Variants in EYS observed in about 807,000 individuals in gnomAD.
EYS encodes protein eyes shut homolog.
In EYS, 250 loss-of-function variants were observed where a neutral mutation model predicts 282.1. The ratio of observed to expected loss-of-function variants is 0.89; its 90% CI spans 0.80 to 0.98. EYS has a LOEUF of 0.98. EYS is among the 50% of genes least tolerant of loss of function. The pLI, the probability that EYS is intolerant of heterozygous loss-of-function variation, is 0.00. For missense variants in EYS, 4,016 were observed against 3,709.0 expected (o/e 1.08, Z -2.15); for synonymous variants, 1,355 against 1,282.9 (o/e 1.06, Z -1.20).
At chr6:64,172,210 T>C (rs150980913) in intron 31 of EYS, among the ~76,000 whole-genome samples, 1 of 151,948 alleles carries the variant, frequency 6.6e-6, no homozygotes, top group African/African-American at 2.4e-5. Flanking sequence ...TTCTTTGTCA[T>C]CTTTTTTTTT....
chr6:65,578,145 A>G (rs963518254), intron 2 of EYS, among the ~76,000 whole-genome samples: 8 of 151,674 alleles, frequency 5.3e-5, no homozygotes, highest in Non-Finnish European at 1.0e-4. Context: ...TTGCAGCACT[A>G]GTCACAATAG....
intron 31 of EYS, among the ~76,000 whole-genome samples, chr6:64,143,771 C>G (rs375240216): frequency 6.6e-6 from 1 of 152,222 alleles, no homozygotes; most frequent in East Asian, 1.9e-4. Flanking sequence ...TGTTTTTGAC[C>G]CTGCCAATAA....
rs1029710164 is a variant in EYS, at chr6:65,345,886, A to G, written c.1460-1709T>C. Among the ~76,000 whole-genome samples, 5 of 151,792 alleles carry G rather than the reference A, an allele frequency of 3.3e-5. No individual in the cohort carries two copies. The Admixed American group carries it at 3.3e-4, about 10-fold the overall frequency. On this transcript the variant is annotated intron_variant, in intron 9 of 42. Transcript: ENST00000503581. Reference sequence around the variant, plus strand: ...AATGAGGGGATATAATTATGAAAAAAAAATTGGACTAGCAGAAATACTGAG... The same window carrying G: ...AATGAGGGGATATAATTATGAAAAAGAAATTGGACTAGCAGAAATACTGAG...
intron 35 of EYS, among the ~76,000 whole-genome samples, chr6:63,867,107 G>T (rs1443675366): frequency 6.6e-6 from 1 of 152,156 alleles, no homozygotes; most frequent in African/African-American, 2.4e-5. Flanking sequence ...GCAAAAGGCA[G>T]TGTTGACCCA....
intron 19 of EYS, among the ~76,000 whole-genome samples, chr6:64,884,331 A>G (rs967145195): frequency 1.3e-4 from 19 of 151,374 alleles, no homozygotes; most frequent in African/African-American, 2.4e-5. Flanking sequence ...TTTTTTTCTG[A>G]TGGAGCAAAG....
At chr6:65,443,365 T>C (rs1768487419) in intron 5 of EYS, among the ~76,000 whole-genome samples, 2 of 143,304 alleles carry the variant, frequency 1.4e-5, no homozygotes, top group South Asian at 2.2e-4. Flanking sequence ...TATGCATACA[T>C]GTATGTACAC....
intron 11 of EYS, among the ~76,000 whole-genome samples, chr6:65,317,777 TCTTCCTTCCTTC>T (rs911036026): frequency 8.7e-5 from 5 of 57,390 alleles, no homozygotes; most frequent in African/African-American, 2.6e-4. Flanking sequence ...CTACATTTTC[TCTTCCTTCCTTC>T]CTTCCTTCCT....
chr6:64,359,744 T>C (rs1309532330), intron 29 of EYS, among the ~76,000 whole-genome samples: 1 of 151,638 alleles, frequency 6.6e-6, no homozygotes, highest in African/African-American at 2.4e-5. Context: ...ATCTCTAGCT[T>C]CTTTCTCTTA....
chr6:65,376,262 T>C (rs2089004), intron 8 of EYS, among the ~76,000 whole-genome samples: 62,698 of 151,862 alleles, frequency 0.41, 13,937 homozygotes, highest in South Asian at 0.5. Context: ...CAGAATTTCA[T>C]ATCCAGCCAA....
At chr6:65,507,227 G>A (rs1766692605) in intron 2 of EYS, among the ~76,000 whole-genome samples, 3 of 151,990 alleles carry the variant, frequency 2.0e-5, no homozygotes, top group Admixed American at 2.0e-4. Context: ...TTTTTCTCTT[G>A]AAAGGTATAT....
intron 21 of EYS, 101 bp downstream of exon 21, chr6:64,821,537 TCATCAAC>T: frequency 1.7e-6 from 1 of 575,214 alleles, no homozygotes; most frequent in Non-Finnish European, 3.1e-6. Context: ...AACAGTTAAA[TCATCAAC>T]AACTGTGGAA....
chr6:65,515,690 G>A (rs1293382651), intron 2 of EYS, among the ~76,000 whole-genome samples: 3 of 148,800 alleles, frequency 2.0e-5, no homozygotes, highest in Non-Finnish European at 4.4e-5. Flanking sequence ...CTATCGCAAG[G>A]ACAAAAAACC....
At chr6:65,434,879 C>A (rs186621630) in intron 5 of EYS, among the ~76,000 whole-genome samples, 66 of 152,132 alleles carry the variant, frequency 4.3e-4, no homozygotes, top group African/African-American at 1.6e-3. Flanking sequence ...TTAAATATCT[C>A]TTTCTTTTCG....
intron 12 of EYS, among the ~76,000 whole-genome samples, chr6:65,121,277 C>T (rs1443797651): frequency 1.3e-5 from 2 of 152,076 alleles, no homozygotes; most frequent in Admixed American, 6.5e-5. Flanking sequence ...GAACAGTCTT[C>T]TCTGTTTAGA....
intron 26 of EYS, among the ~76,000 whole-genome samples, chr6:64,453,927 C>T (rs1375165491): frequency 6.6e-6 from 1 of 151,994 alleles, no homozygotes; most frequent in African/African-American, 2.4e-5. Flanking sequence ...TTAATGTGTG[C>T]AGCACACCAA....
intron 8 of EYS, among the ~76,000 whole-genome samples, chr6:65,365,843 G>A (rs1764896231): frequency 6.6e-6 from 1 of 151,780 alleles, no homozygotes; most frequent in South Asian, 2.1e-4. Context: ...CAGAATGTTG[G>A]CTGTCTAGTA....
intron 21 of EYS, among the ~76,000 whole-genome samples, chr6:64,821,324 G>C (rs116171561): frequency 0.012 from 1,805 of 152,142 alleles, 35 homozygotes; most frequent in African/African-American, 0.04. Flanking sequence ...GGACGAGGCA[G>C]ATGGTAAAAT....
chr6:64,125,175 T>TCTCGCGCGCGCG (rs1562213596), intron 31 of EYS, among the ~76,000 whole-genome samples: 2 of 150,406 alleles, frequency 1.3e-5, no homozygotes, highest in African/African-American at 5.0e-5. Flanking sequence ...TCTCTCTCTC[T>TCTCGCGCGCGCG]CGCTCTCTCT....
chr6:65,139,029 T>C (rs1458369842), intron 12 of EYS, among the ~76,000 whole-genome samples: 2 of 152,076 alleles, frequency 1.3e-5, no homozygotes, highest in African/African-American at 4.8e-5. Context: ...TTCTGGAGAT[T>C]TCTCAAAGAA....
Sources: allele counts gnomAD v4.1 joint callset (sites outside exome capture counted in the v4.1 genomes callset), GRCh38; gene constraint gnomAD v4.1.1; transcripts MANE v1.5; gene names NCBI Gene and HGNC (gene_info 2026-07-23, HGNC 2026-07-21).